TCF4: variants seen among roughly 807,000 people sequenced by gnomAD.
TCF4 encodes the protein transcription factor 4.
A neutral mutation model predicts 82.1 loss-of-function variants in TCF4; 3 were observed. The ratio of observed to expected loss-of-function variants is 0.04; its 90% CI spans 0.02 to 0.09. The LOEUF (loss-of-function observed/expected upper bound fraction) is 0.09, where lower values mean the gene tolerates loss of function less well. Ranked by LOEUF, TCF4 falls within the 10% of genes least tolerant of loss-of-function variation. The pLI, the probability that TCF4 is intolerant of heterozygous loss-of-function variation, is 1.00. For missense variants in TCF4, 518 were observed against 852.7 expected (o/e 0.61, Z 4.89); for synonymous variants, 276 against 309.6 (o/e 0.89, Z 1.14).
chr18:55,398,498 A>G (rs1304628912), intron 6 of TCF4, among the ~76,000 whole-genome samples: 1 of 152,170 alleles, frequency 6.6e-6, no homozygotes, highest in African/African-American at 2.4e-5. Flanking sequence ...TGAAGTCACC[A>G]GGTGAATGAG....
chr18:55,229,296 C>A, intron 17 of TCF4: 1 of 587,532 alleles, frequency 1.7e-6, no homozygotes, highest in Non-Finnish European at 3.1e-6. Flanking sequence ...TAAACCCAAA[C>A]CAAACAGGTG....
chr18:55,456,819 C>T (rs1261268931), intron 5 of TCF4, among the ~76,000 whole-genome samples: 1 of 152,138 alleles, frequency 6.6e-6, no homozygotes, highest in East Asian at 1.9e-4. Context: ...TCGACCCTTT[C>T]TACCATTAGC....
intron 6 of TCF4, among the ~76,000 whole-genome samples, chr18:55,373,546 C>T (rs1284821365): frequency 6.6e-6 from 1 of 152,114 alleles, no homozygotes; most frequent in African/African-American, 2.4e-5. Context: ...GGTGCAGTGG[C>T]TCACGCCTGT....
intron 3 of TCF4, among the ~76,000 whole-genome samples, chr18:55,526,031 A>G (rs1458097942): frequency 6.6e-6 from 1 of 152,208 alleles, no homozygotes; most frequent in Non-Finnish European, 1.5e-5. Context: ...CAGCATTGAC[A>G]TCAGGCATCA....
chr18:55,366,583 C>T (rs1410306399), intron 6 of TCF4, among the ~76,000 whole-genome samples: 2 of 152,220 alleles, frequency 1.3e-5, no homozygotes, highest in Admixed American at 6.5e-5. Flanking sequence ...AAATTTACTA[C>T]ATCAATCATC....
intron 3 of TCF4, among the ~76,000 whole-genome samples, chr18:55,514,432 CACACACACACACA>C (rs1247902649): frequency 2.0e-5 from 3 of 151,872 alleles, no homozygotes; most frequent in Admixed American, 6.6e-5. Context: ...CACACACACA[CACACACACACACA>C]CCCCAATCAT....
intron 8 of TCF4, chr18:55,321,517 A>C (rs963656468): frequency 2.6e-6 from 3 of 1,136,832 alleles, no homozygotes; most frequent in Non-Finnish European, 3.8e-6. Flanking sequence ...CAAGAAGAAG[A>C]TCTTAGGATT....
At chr18:55,484,116 T>G (rs1427691049) in intron 3 of TCF4, among the ~76,000 whole-genome samples, 1 of 152,142 alleles carries the variant, frequency 6.6e-6, no homozygotes, top group Non-Finnish European at 1.5e-5. Context: ...TATTTTCTTA[T>G]GTTATGAGAG....
At chr18:55,333,252 G>C (rs2077947590) in intron 8 of TCF4, among the ~76,000 whole-genome samples, 1 of 151,972 alleles carries the variant, frequency 6.6e-6, no homozygotes, top group Admixed American at 6.6e-5. Flanking sequence ...TACTTGTAAG[G>C]AAATTGCCAG....
chr18:55,289,734 A>C (rs1277344540), intron 8 of TCF4, among the ~76,000 whole-genome samples: 1 of 152,220 alleles, frequency 6.6e-6, no homozygotes, highest in Admixed American at 6.5e-5. Flanking sequence ...CCAGAGGAAA[A>C]CAAATTCTAT....
At chr18:55,586,985 G>A in intron 2 of TCF4, 60 bp downstream of exon 2, 4 of 1,451,854 alleles carry the variant, frequency 2.8e-6, no homozygotes, top group Non-Finnish European at 3.9e-6. Flanking sequence ...TAGCTGAAGT[G>A]TTTGGGTTTT....
chr18:55,565,143 G>A (rs2097392545), intron 3 of TCF4, among the ~76,000 whole-genome samples: 1 of 152,110 alleles, frequency 6.6e-6, no homozygotes, highest in Non-Finnish European at 1.5e-5. Context: ...TTGCTGGGAA[G>A]AATGGGAGTT....
At chr18:55,406,734 C>T (rs1175481073) in intron 5 of TCF4, among the ~76,000 whole-genome samples, 2 of 152,106 alleles carry the variant, frequency 1.3e-5, no homozygotes, top group African/African-American at 4.8e-5. Context: ...TCTTCACCAC[C>T]CGCCTCCCCC....
At chr18:55,350,729 G>A in intron 7 of TCF4, 145 bp downstream of exon 7, 1 of 1,065,986 alleles carries the variant, frequency 9.4e-7, no homozygotes, top group Non-Finnish European at 1.4e-6. Flanking sequence ...TACTAGGGGG[G>A]AAGTCTCCAG....
intron 5 of TCF4, among the ~76,000 whole-genome samples, chr18:55,458,242 C>T (rs1478585143): frequency 6.6e-6 from 1 of 152,158 alleles, no homozygotes; most frequent in South Asian, 2.1e-4. Context: ...TACCCTGATG[C>T]GACATCACAG....
At chr18:55,232,339 T>C in intron 17 of TCF4, 170 bp downstream of exon 17, 1 of 699,568 alleles carries the variant, frequency 1.4e-6, no homozygotes, top group South Asian at 1.9e-5. Context: ...TCCAATAGAG[T>C]ACAGGTATCT....
intron 6 of TCF4, among the ~76,000 whole-genome samples, chr18:55,380,384 A>G (rs1220146729): frequency 6.6e-6 from 1 of 151,894 alleles, no homozygotes; most frequent in Non-Finnish European, 1.5e-5. Flanking sequence ...CCCGTCATCT[A>G]CATCCGGTAT....
At chr18:55,335,185 T>C (rs1262913524) in intron 8 of TCF4, among the ~76,000 whole-genome samples, 1 of 152,168 alleles carries the variant, frequency 6.6e-6, no homozygotes, top group Admixed American at 6.5e-5. Flanking sequence ...TCTCCAAATA[T>C]CATTTACATA....
intron 2 of TCF4, among the ~76,000 whole-genome samples, chr18:55,616,262 A>G (rs926016014): frequency 1.3e-5 from 2 of 152,124 alleles, no homozygotes; most frequent in African/African-American, 2.4e-5. Flanking sequence ...TTTCACTAGC[A>G]TAATGTCCTC....
Sources: gnomAD v4.1 joint callset for allele counts (sites outside exome capture counted in the v4.1 genomes callset) on GRCh38, gnomAD v4.1.1 for gene constraint, MANE v1.5 for transcripts, NCBI Gene and HGNC (gene_info 2026-07-23, HGNC 2026-07-21) for gene names.